SLC38A9: variants seen among roughly 807,000 people sequenced by gnomAD.
The protein encoded by SLC38A9 is neutral amino acid transporter 9.
SLC38A9 carries 48 observed loss-of-function variants against 62.3 expected under a neutral mutation model. The observed-to-expected ratio is 0.77, with a 90% CI of 0.61 to 0.98. The LOEUF is 0.98. SLC38A9 is among the 50% of genes least tolerant of loss of function. The pLI is 0.00. For missense variants in SLC38A9, 541 were observed against 679.8 expected, an observed-to-expected ratio of 0.80 and a Z score of 2.27; for synonymous variants, 204 against 227.7, an observed-to-expected ratio of 0.90 and a Z score of 0.94.
chr5:55,708,156 G>A (rs756925480), intron 2 of SLC38A9, among the ~76,000 whole-genome samples: 3 of 152,094 alleles, frequency 2.0e-5, no homozygotes, highest in Admixed American at 6.6e-5. Context: ...TGGTACTTTC[G>A]ACTTTTATTT....
chr5:55,709,379 T>C (rs113035980), intron 2 of SLC38A9, among the ~76,000 whole-genome samples: 1 of 151,250 alleles, frequency 6.6e-6, no homozygotes, highest in Non-Finnish European at 1.5e-5. Flanking sequence ...AACCTCTAAG[T>C]GATTTTTTTT....
rs1219466495 is a variant in SLC38A9 at position 55,677,911 on chromosome 5, CT to C, written c.114-5217del. Among the ~76,000 whole-genome samples the C allele has an allele frequency of 5.2e-3, 250 of 47,934 alleles. 1 individual carries two copies. Among genetic ancestry groups the C allele is most frequent in the African/African-American group, 0.012 (227 of 18,848 alleles). 31.4% of individuals were successfully genotyped at this position (47,934 alleles called of 152,430 possible). ...TCTGAGGGGTCCCTCTAAATCAATA[CT>C]TTTTTTTTCTTTATTGTGTGTGTGT... is the stretch of plus-strand genomic sequence containing the variant. On this transcript the variant is annotated intron_variant, in intron 3 of 15. Transcript: ENST00000396865.
At chr5:55,700,334 C>T (rs1446364485) in intron 2 of SLC38A9, among the ~76,000 whole-genome samples, 2 of 118,862 alleles carry the variant, frequency 1.7e-5, no homozygotes, top group African/African-American at 5.9e-5. Flanking sequence ...CAGAGTGAGA[C>T]CCCAATTAAA....
At chr5:55,656,946 C>T (rs543777710) in intron 8 of SLC38A9, among the ~76,000 whole-genome samples, 172 bp from the exon 9 acceptor site, 22 of 151,944 alleles carry the variant, frequency 1.4e-4, no homozygotes, top group African/African-American at 4.6e-4. Context: ...CTGCAAGCTC[C>T]GCCTCCCAGA....
Position 55,630,856 on chromosome 5 carries a change from G to A in SLC38A9, c.1431-2876C>T, listed in dbSNP as rs531013557. On this transcript the variant is annotated intron_variant, in intron 14 of 15. Coordinates refer to ENST00000396865, the MANE Select transcript of SLC38A9 (RefSeq NM_173514.4). ...AAACAAATTAAAAATACTTTGCTGG[G>A]CACGGTGGCTCATGCCTGTAATACC... 4.6e-5 allele frequency among the ~76,000 whole-genome samples: 7 copies of A among 152,162 alleles called. No individual in the cohort carries two copies. In the South Asian group the frequency reaches 1.5e-3, roughly 32 times the overall value.
intron 3 of SLC38A9, among the ~76,000 whole-genome samples, chr5:55,685,612 A>C (rs1317201675): frequency 6.6e-6 from 1 of 152,238 alleles, no homozygotes; most frequent in African/African-American, 2.4e-5. Flanking sequence ...TGTTTTCAAA[A>C]ATGGCTGTAC....
At chr5:55,675,349 T>C (rs1179669553) in intron 3 of SLC38A9, 3 of 152,220 alleles carry the variant, frequency 2.0e-5, no homozygotes, top group African/African-American at 7.2e-5. Context: ...AACAAATATT[T>C]TGGAATCTTT....
chr5:55,648,372 C>T (rs772857116), intron 11 of SLC38A9, among the ~76,000 whole-genome samples: 1 of 152,124 alleles, frequency 6.6e-6, no homozygotes, highest in Non-Finnish European at 1.5e-5. Context: ...GTGGAAAATA[C>T]ACTTTTTTAA....
intron 12 of SLC38A9, among the ~76,000 whole-genome samples, chr5:55,644,925 T>C (rs1455852790): frequency 7.3e-5 from 11 of 151,706 alleles, no homozygotes. Flanking sequence ...TGTCCATGTG[T>C]TCTCATTGTT....
chr5:55,629,771 A>G (rs929890981), intron 14 of SLC38A9, among the ~76,000 whole-genome samples: 2 of 152,246 alleles, frequency 1.3e-5, no homozygotes, highest in African/African-American at 4.8e-5. Context: ...AGATAAAATT[A>G]AAGTTTTCAA....
intron 3 of SLC38A9, among the ~76,000 whole-genome samples, chr5:55,676,851 T>TA (rs34474052): frequency 0.59 from 89,456 of 150,368 alleles, 27,016 homozygotes; most frequent in South Asian, 0.68. Context: ...GTAGTTGCTT[T>TA]AAAAAAAAAA....
intron 14 of SLC38A9, among the ~76,000 whole-genome samples, chr5:55,632,924 A>G (rs1237957244): frequency 1.3e-5 from 2 of 152,056 alleles, no homozygotes; most frequent in Non-Finnish European, 2.9e-5. Flanking sequence ...AAAAAGGACA[A>G]TTTCCCCTGT....
intron 11 of SLC38A9, among the ~76,000 whole-genome samples, chr5:55,647,175 A>ATTTTATT (rs1232346477): frequency 0.018 from 1,781 of 99,272 alleles, 27 homozygotes; most frequent in African/African-American, 0.053. Flanking sequence ...ATTTTATTTT[A>ATTTTATT]TTTTATTTTT....
rs568231346 is a variant in SLC38A9, at chr5:55,666,650, C to T, written c.527-1787G>A. Among the ~76,000 whole-genome samples the T allele has an allele frequency of 4.6e-5, 7 of 152,028 alleles. No homozygotes were observed. In the South Asian group the frequency reaches 1.5e-3, roughly 32 times the overall value. Reference sequence around the variant, plus strand: ...GCTCATGCCTGTAATCCCAGCACTTCGGGAGGCTGAGGCAGGTGGATCAAC... The same window carrying T: ...GCTCATGCCTGTAATCCCAGCACTTTGGGAGGCTGAGGCAGGTGGATCAAC... On this transcript the variant is annotated intron_variant, in intron 7 of 15. Transcript: ENST00000396865.
At position 55,682,685 on chromosome 5, in the gene SLC38A9, G is replaced by A. The variant is rs1235786648; in HGVS notation, c.114-9990C>T. Among the ~76,000 whole-genome samples the A allele has an allele frequency of 3.9e-5, 6 of 152,136 alleles. No homozygotes were observed. The East Asian group carries it at 9.6e-4, about 24-fold the overall frequency. ...AGCCTCCAGGGAGGCTGAGGCAGGAGGACTGCTTGAGCCCAGGAGTTCAAA... is the reference window on the plus strand; with the variant it reads ...AGCCTCCAGGGAGGCTGAGGCAGGAAGACTGCTTGAGCCCAGGAGTTCAAA... On this transcript the variant is annotated intron_variant, in intron 3 of 15. Coordinates refer to ENST00000396865, the MANE Select transcript of SLC38A9 (RefSeq NM_173514.4).
intron 3 of SLC38A9, among the ~76,000 whole-genome samples, chr5:55,677,926 T>TTGTGTGTGTGTGTGTGTG (rs10682261): frequency 8.6e-4 from 96 of 112,170 alleles, no homozygotes; most frequent in Middle Eastern, 4.6e-3. Context: ...TTTTTCTTTA[T>TTGTGTGTGTGTGTGTGTG]TGTGTGTGTG....
At chr5:55,702,413 C>T (rs1756787064) in intron 2 of SLC38A9, among the ~76,000 whole-genome samples, 1 of 151,906 alleles carries the variant, frequency 6.6e-6, no homozygotes, top group Non-Finnish European at 1.5e-5. Context: ...AAGTGTGCAC[C>T]ACCATGCCTG....
chr5:55,705,849 A>G (rs1757226999), intron 2 of SLC38A9, among the ~76,000 whole-genome samples: 1 of 152,048 alleles, frequency 6.6e-6, no homozygotes, highest in African/African-American at 2.4e-5. Context: ...CTGGGACTAC[A>G]GGTGCCTGCC....
intron 2 of SLC38A9, among the ~76,000 whole-genome samples, chr5:55,711,183 C>T (rs1267000949): frequency 6.6e-6 from 1 of 151,330 alleles, no homozygotes; most frequent in Non-Finnish European, 1.5e-5. Flanking sequence ...ATCCTAGCTA[C>T]TCAGGAGGGT....
Sources: allele counts gnomAD v4.1 joint callset (sites outside exome capture counted in the v4.1 genomes callset), GRCh38; gene constraint gnomAD v4.1.1; transcripts MANE v1.5; gene names NCBI Gene and HGNC (gene_info 2026-07-23, HGNC 2026-07-21).